CAMKMT: variants seen among roughly 807,000 people sequenced by gnomAD.
The protein encoded by CAMKMT is calmodulin-lysine N-methyltransferase, also known as CaM KMT.
In CAMKMT, 53 loss-of-function variants were observed where a neutral mutation model predicts 48.0. That is an observed-to-expected ratio of 1.10 (90% CI 0.89 to 1.39). The LOEUF (loss-of-function observed/expected upper bound fraction) is 1.39. Among genes scored for constraint, CAMKMT ranks in the 40% most tolerant of loss-of-function variants. The pLI, the probability that CAMKMT is intolerant of heterozygous loss-of-function variation, is 0.00. For missense variants in CAMKMT, 428 were observed against 402.7 expected, an observed-to-expected ratio of 1.06 and a Z score of -0.54; for synonymous variants, 165 against 152.3, an observed-to-expected ratio of 1.08 and a Z score of -0.61.
chr2:44,554,177 G>C (rs914011231), intron 3 of CAMKMT, among the ~76,000 whole-genome samples: 10 of 152,190 alleles, frequency 6.6e-5, no homozygotes, highest in African/African-American at 2.4e-4. Context: ...GACATTCAAA[G>C]ACAACTAAGA....
At chr2:44,726,557 A>G (rs1408612303) in intron 7 of CAMKMT, among the ~76,000 whole-genome samples, 1 of 152,224 alleles carries the variant, frequency 6.6e-6, no homozygotes, top group Non-Finnish European at 1.5e-5. Context: ...ATGTGCTCCC[A>G]TTCTGTGTAT....
intron 3 of CAMKMT, among the ~76,000 whole-genome samples, chr2:44,595,187 C>G (rs147242421): frequency 0.028 from 4,218 of 152,234 alleles, 187 homozygotes; most frequent in African/African-American, 0.096. Flanking sequence ...AATAGGAACA[C>G]TTTTACACTG....
intron 2 of CAMKMT, among the ~76,000 whole-genome samples, chr2:44,383,836 A>G (rs1305700450): frequency 6.6e-6 from 1 of 151,760 alleles, no homozygotes; most frequent in South Asian, 2.1e-4. Context: ...ATTCCATTGT[A>G]TATATATATA....
rs139714373 is a variant in CAMKMT at position 44,557,560 on chromosome 2, C to T, written c.377-146723C>T. 2.0e-3 allele frequency among the ~76,000 whole-genome samples: 310 copies of T among 152,224 alleles called. 1 individual carries two copies. The Middle Eastern group carries it at 0.027, about 13-fold the overall frequency. On this transcript the variant is annotated intron_variant, in intron 3 of 10. Coordinates refer to ENST00000378494, the MANE Select transcript of CAMKMT (RefSeq NM_024766.5). ...AACAAGTCAATTAACTTATTTCTTCCTTCTTTCCTCCCTCCTTCCCTTCTT... is the reference window on the plus strand; with the variant it reads ...AACAAGTCAATTAACTTATTTCTTCTTTCTTTCCTCCCTCCTTCCCTTCTT...
chr2:44,678,362 G>A (rs1448132199), intron 3 of CAMKMT, among the ~76,000 whole-genome samples: 1 of 152,182 alleles, frequency 6.6e-6, no homozygotes, highest in Non-Finnish European at 1.5e-5. Flanking sequence ...CTCTAAATGT[G>A]ACTGTGTATT....
chr2:44,470,996 T>C (rs698803), intron 3 of CAMKMT, among the ~76,000 whole-genome samples: 612 of 5,590 alleles, frequency 0.11, 2 homozygotes, highest in African/African-American at 0.17. Context: ...CTCTCTCTCT[T>C]TTTTTTTTTT....
intron 3 of CAMKMT, among the ~76,000 whole-genome samples, chr2:44,614,506 C>T (rs774926068): frequency 1.3e-5 from 2 of 152,126 alleles, no homozygotes; most frequent in Non-Finnish European, 2.9e-5. Context: ...GGACCAAAAT[C>T]TCTGCCTTCA....
chr2:44,570,553 C>T (rs953442363), intron 3 of CAMKMT, among the ~76,000 whole-genome samples: 3 of 152,006 alleles, frequency 2.0e-5, no homozygotes, highest in South Asian at 2.1e-4. Flanking sequence ...CCTTCTGTGC[C>T]GTCAGAGCTA....
At chr2:44,571,695 C>T (rs1445778212) in intron 3 of CAMKMT, among the ~76,000 whole-genome samples, 1 of 152,002 alleles carries the variant, frequency 6.6e-6, no homozygotes, top group African/African-American at 2.4e-5. Context: ...AAAAACAAGC[C>T]GGGTGAGGTG....
intron 3 of CAMKMT, among the ~76,000 whole-genome samples, chr2:44,501,306 A>T (rs1293734079): frequency 6.6e-6 from 1 of 152,126 alleles, no homozygotes; most frequent in African/African-American, 2.4e-5. Context: ...TTGAGAAAGC[A>T]TTGACACTCT....
chr2:44,724,314 T>C (rs1474729427), intron 7 of CAMKMT, among the ~76,000 whole-genome samples: 1 of 152,236 alleles, frequency 6.6e-6, no homozygotes, highest in Non-Finnish European at 1.5e-5. Flanking sequence ...ATTCTAAATG[T>C]AAATTCATAC....
chr2:44,447,571 C>T (rs1419987719), intron 3 of CAMKMT, among the ~76,000 whole-genome samples: 1 of 152,142 alleles, frequency 6.6e-6, no homozygotes. Flanking sequence ...TTTATTGTGG[C>T]TATGTTTCAT....
intron 6 of CAMKMT, among the ~76,000 whole-genome samples, chr2:44,712,737 G>T (rs1295215245): frequency 6.6e-6 from 1 of 152,122 alleles, no homozygotes; most frequent in Non-Finnish European, 1.5e-5. Context: ...GCGGTTCAGA[G>T]AACACGATTT....
chr2:44,368,370 T>A lies in CAMKMT; in HGVS notation c.139-4346T>A, dbSNP rs1023180734. ...TGATGGCCTTAAAATAACTGAATCTTCTTTTTAAAGCAATGTCAAAAGTAA... is the reference window on the plus strand; with the variant it reads ...TGATGGCCTTAAAATAACTGAATCTACTTTTTAAAGCAATGTCAAAAGTAA... On this transcript the variant is annotated intron_variant, in intron 1 of 10. Transcript: ENST00000378494. Among the ~76,000 whole-genome samples the A allele has an allele frequency of 2.0e-5, 3 of 152,224 alleles. No individual in the cohort carries two copies. The South Asian group carries it at 6.2e-4, about 31-fold the overall frequency.
Position 44,594,357 on chromosome 2 carries a change from A to C in CAMKMT, c.377-109926A>C, listed in dbSNP as rs552317504. 2.0e-5 allele frequency among the ~76,000 whole-genome samples: 3 copies of C among 152,324 alleles called. No individual in the cohort carries two copies. The East Asian group carries it at 5.8e-4, about 29-fold the overall frequency. ...AAAAAAGAGCCCGTATAGCCAAGAC[A>C]ATCCTAAGCAAAAAGAACAAAGCTG... On this transcript the variant is annotated intron_variant, in intron 3 of 10. Coordinates refer to ENST00000378494, the MANE Select transcript of CAMKMT (RefSeq NM_024766.5).
chr2:44,547,802 T>C (rs138875678), intron 3 of CAMKMT, among the ~76,000 whole-genome samples: 105 of 152,298 alleles, frequency 6.9e-4, no homozygotes, highest in African/African-American at 2.5e-3. Context: ...TAACATTACT[T>C]CTCTCTTTCC....
intron 3 of CAMKMT, among the ~76,000 whole-genome samples, chr2:44,474,446 C>CAA (rs1222971931): frequency 5.7e-4 from 33 of 57,950 alleles, no homozygotes; most frequent in African/African-American, 1.6e-3. Context: ...GACTCCGTCT[C>CAA]AAAAAAAAAA....
intron 3 of CAMKMT, among the ~76,000 whole-genome samples, chr2:44,678,011 A>T (rs1675810526): frequency 6.6e-6 from 1 of 152,200 alleles, no homozygotes; most frequent in South Asian, 2.1e-4. Context: ...TGAAAATTTT[A>T]CAATGGGAAA....
intron 3 of CAMKMT, among the ~76,000 whole-genome samples, chr2:44,490,799 A>G (rs1669461463): frequency 6.6e-6 from 1 of 152,164 alleles, no homozygotes; most frequent in South Asian, 2.1e-4. Context: ...TTAAAATTGA[A>G]CAAACAGGAG....
Sources: gnomAD v4.1 joint callset for allele counts (sites outside exome capture counted in the v4.1 genomes callset) on GRCh38, gnomAD v4.1.1 for gene constraint, MANE v1.5 for transcripts, NCBI Gene and HGNC (gene_info 2026-07-23, HGNC 2026-07-21) for gene names.